SIL1: variants seen among roughly 807,000 people sequenced by gnomAD.
SIL1 encodes the protein nucleotide exchange factor SIL1.
In SIL1, 40 loss-of-function variants were observed where a neutral mutation model predicts 49.1. The observed-to-expected ratio is 0.81, with a 90% CI of 0.63 to 1.06. SIL1 has a LOEUF of 1.06. Among genes scored for constraint, SIL1 ranks in the 50% least tolerant of loss-of-function variants. The pLI, the probability that SIL1 is intolerant of heterozygous loss-of-function variation, is 0.00. For synonymous variants in SIL1, 253 were observed against 250.8 expected, an observed-to-expected ratio of 1.01 and a Z score of -0.08; for missense variants, 500 against 572.6, an observed-to-expected ratio of 0.87 and a Z score of 1.29.
chr5:139,141,337 C>G (rs1751077114), intron 1 of SIL1, among the ~76,000 whole-genome samples: 1 of 151,994 alleles, frequency 6.6e-6, no homozygotes, highest in Non-Finnish European at 1.5e-5. Flanking sequence ...AAAATATGGA[C>G]TGTGGTAATA....
intron 1 of SIL1, among the ~76,000 whole-genome samples, chr5:139,189,605 T>C (rs914907663): frequency 6.6e-6 from 1 of 152,208 alleles, no homozygotes. Context: ...GTGGATCACC[T>C]GAGGTCAGGA....
chr5:139,156,124 T>C (rs538714899), intron 1 of SIL1, among the ~76,000 whole-genome samples: 53 of 152,280 alleles, frequency 3.5e-4, no homozygotes, highest in African/African-American at 1.0e-3. Context: ...ATAATAGTAA[T>C]ATAAAATATA....
chr5:138,991,081 T>C (rs761141745), intron 7 of SIL1, among the ~76,000 whole-genome samples: 2 of 152,156 alleles, frequency 1.3e-5, no homozygotes, highest in Non-Finnish European at 1.5e-5. Context: ...AAATGAAGGC[T>C]TCATGACAGG....
At chr5:138,999,389 A>T (rs929725670) in intron 7 of SIL1, among the ~76,000 whole-genome samples, 3 of 152,340 alleles carry the variant, frequency 2.0e-5, no homozygotes, top group Admixed American at 1.3e-4. Context: ...AACGATGGCC[A>T]AGCCTGTAAT....
At chr5:139,151,518 A>T (rs1168502749) in intron 1 of SIL1, among the ~76,000 whole-genome samples, 1 of 152,246 alleles carries the variant, frequency 6.6e-6, no homozygotes, top group African/African-American at 2.4e-5. Flanking sequence ...ATTTTATTGT[A>T]TCCAGTACTG....
intron 7 of SIL1, among the ~76,000 whole-genome samples, chr5:138,957,803 A>T (rs2150382411): frequency 6.6e-6 from 1 of 152,328 alleles, no homozygotes; most frequent in East Asian, 1.9e-4. Flanking sequence ...ACCAAAGTAC[A>T]GTGATCAAAA....
chr5:138,983,303 T>C (rs1031925849), intron 7 of SIL1, among the ~76,000 whole-genome samples: 3 of 148,984 alleles, frequency 2.0e-5, no homozygotes, highest in African/African-American at 7.5e-5. Flanking sequence ...GGTCAGGAGA[T>C]TGAGACCATC....
intron 9 of SIL1, among the ~76,000 whole-genome samples, chr5:138,949,811 AAAAAAG>A (rs1321685467): frequency 8.7e-5 from 13 of 148,996 alleles, no homozygotes; most frequent in South Asian, 2.1e-4. Flanking sequence ...AAAAAAAAAA[AAAAAAG>A]AAAAAAGAAA....
At chr5:139,150,382 T>G (rs1751272636) in intron 1 of SIL1, among the ~76,000 whole-genome samples, 1 of 152,000 alleles carries the variant, frequency 6.6e-6, no homozygotes, top group East Asian at 1.9e-4. Flanking sequence ...GAGCTCTCAA[T>G]CCCTCCTCTC....
chr5:138,990,208 G>A (rs987287141), intron 7 of SIL1, among the ~76,000 whole-genome samples: 6 of 152,258 alleles, frequency 3.9e-5, no homozygotes, highest in Non-Finnish European at 7.4e-5. Context: ...TCTAGACAAT[G>A]AGGACTGTGG....
chr5:139,159,189 A>G (rs745483893), intron 1 of SIL1, among the ~76,000 whole-genome samples: 1 of 152,188 alleles, frequency 6.6e-6, no homozygotes, highest in South Asian at 2.1e-4. Flanking sequence ...CTAGGCTAAC[A>G]CTGATGCCAT....
chr5:138,953,872 A>G (rs1275566846), intron 7 of SIL1, among the ~76,000 whole-genome samples: 1 of 152,244 alleles, frequency 6.6e-6, no homozygotes, highest in African/African-American at 2.4e-5. Flanking sequence ...GAGATCTGAC[A>G]TCGCATCAGC....
intron 7 of SIL1, among the ~76,000 whole-genome samples, chr5:138,991,833 T>G (rs1273000868): frequency 6.6e-6 from 1 of 152,228 alleles, no homozygotes; most frequent in African/African-American, 2.4e-5. Context: ...TATGTCCTTG[T>G]GACTTAAATA....
At position 139,042,645 on chromosome 5, in the gene SIL1, T is replaced by G; in HGVS notation, c.428A>C (p.Glu143Ala). ...SALAKFKEGA[E>A]MESSKEDKAR... The stretch of plus-strand genomic sequence containing the variant: ...CTTGTCTTCCTTTGAACTCTCCATC[T>G]CTGCCCCCTCCTTGAATTTTGCCAG... Residue 143 changes from glutamate to alanine, a missense_variant, in exon 5 of 10, where the codon GAG (glutamate) becomes GCG (alanine). By Grantham distance (107) the Glu-to-Ala change is moderately radical (BLOSUM62 -1). Transcript: ENST00000394817. The G allele has an allele frequency of 6.2e-7, 1 of 1,614,186 alleles. No individual in the cohort carries two copies. Among genetic ancestry groups the G allele is most frequent in the Non-Finnish European group, 8.5e-7 (1 of 1,180,024 alleles).
rs114632445 is a variant in SIL1 at position 138,991,373 on chromosome 5, T to C, written c.767+29798A>G. Among the ~76,000 whole-genome samples, 1,292 of 152,356 alleles carry C rather than the reference T, an allele frequency of 8.5e-3. 23 individuals are homozygous for C. Among genetic ancestry groups the C allele is most frequent in the African/African-American group, 0.029 (1,219 of 41,594 alleles). On this transcript the variant is annotated intron_variant, in intron 7 of 9. Coordinates refer to ENST00000394817, the MANE Select transcript of SIL1 (RefSeq NM_022464.5). Reference sequence around the variant, plus strand: ...ATGCAGTAGGGGCTGGGAGGCAGCATGGGAAGTCAGTCTTAGAGATTTCCC... The same window carrying C: ...ATGCAGTAGGGGCTGGGAGGCAGCACGGGAAGTCAGTCTTAGAGATTTCCC...
In SIL1 at chr5:138,948,971, A is replaced by T. The variant is rs1047762633; in HGVS notation, c.1030-1498T>A. Among the ~76,000 whole-genome samples the T allele has an allele frequency of 1.3e-5, 2 of 152,146 alleles. No individual in the cohort carries two copies. Among genetic ancestry groups the T allele is most frequent in the African/African-American group, 4.8e-5 (2 of 41,424 alleles). Reference sequence around the variant, plus strand: ...GCACCCACCCAATCGTGGATTTCCCAGCCTCCCGAATCATGAGCCAAAAAC... The same window carrying T: ...GCACCCACCCAATCGTGGATTTCCCTGCCTCCCGAATCATGAGCCAAAAAC... On this transcript the variant is annotated intron_variant, in intron 9 of 9. Coordinates refer to ENST00000394817, the MANE Select transcript of SIL1 (RefSeq NM_022464.5). The surrounding 1 kb of genome is among the most constrained non-coding windows in gnomAD (Gnocchi z 4.8).
At chr5:139,039,229 C>T (rs903012761) in intron 5 of SIL1, among the ~76,000 whole-genome samples, 1 of 152,198 alleles carries the variant, frequency 6.6e-6, no homozygotes, top group East Asian at 1.9e-4. Context: ...CTGCCAGGAG[C>T]AGACGTGAGT....
chr5:139,111,524 A>T (rs1011183395), intron 3 of SIL1, among the ~76,000 whole-genome samples: 2 of 152,144 alleles, frequency 1.3e-5, no homozygotes, highest in Non-Finnish European at 2.9e-5. Flanking sequence ...ATTCTCACTG[A>T]GCCACCTTCC....
chr5:139,178,789 A>C (rs570171741), intron 1 of SIL1, among the ~76,000 whole-genome samples: 1 of 152,110 alleles, frequency 6.6e-6, no homozygotes, highest in Non-Finnish European at 1.5e-5. Flanking sequence ...TGACATATTC[A>C]TCAGTACACT....
Sources: gnomAD v4.1 joint callset for allele counts (sites outside exome capture counted in the v4.1 genomes callset) on GRCh38, gnomAD v4.1.1 for gene constraint, Gnocchi (gnomAD v3.1) non-coding constraint, MANE v1.5 for transcripts, NCBI Gene and HGNC (gene_info 2026-07-23, HGNC 2026-07-21) for gene names.